Variants in SEMA5B observed in about 807,000 individuals in gnomAD.
SEMA5B encodes the protein semaphorin 5B.
In SEMA5B, 66 loss-of-function variants were observed where a neutral mutation model predicts 135.0. The ratio of observed to expected loss-of-function variants is 0.49; its 90% CI spans 0.40 to 0.60. SEMA5B has a LOEUF of 0.60. SEMA5B is among the 20% of genes least tolerant of loss of function. The pLI is 0.00. For synonymous variants in SEMA5B, 690 were observed against 639.5 expected, an observed-to-expected ratio of 1.08 and a Z score of -1.19; for missense variants, 1,501 against 1,566.3, an observed-to-expected ratio of 0.96 and a Z score of 0.70.
intron 2 of SEMA5B, among the ~76,000 whole-genome samples, chr3:122,951,334 T>C (rs1388908376): frequency 6.6e-6 from 1 of 152,240 alleles, no homozygotes; most frequent in African/African-American, 2.4e-5. Flanking sequence ...CTAATCTTTG[T>C]AGGTTATCTA....
chr3:123,019,416 C>G (rs545972436), intron 1 of SEMA5B, among the ~76,000 whole-genome samples: 1 of 152,114 alleles, frequency 6.6e-6, no homozygotes, highest in African/African-American at 2.4e-5. Context: ...GGTAGAAACC[C>G]CGTCTCTACA....
Position 122,913,890 on chromosome 3 carries a change from GC to G in SEMA5B, c.2099del (p.Gly700AlafsTer86). 1 of 1,611,992 alleles carries G rather than the reference GC, an allele frequency of 6.2e-7. No homozygotes were observed. On this transcript the variant is annotated frameshift_variant, in exon 15 of 23. Transcript: ENST00000357599. LOFTEE classifies it high-confidence loss of function. The part of the protein sequence containing the change: ...SCSNPAPRHG[G>X]RICVGKSREE... Reference sequence around the variant, plus strand: ...CCCGGCTCTTGCCCACGCAGATGCGGCCCCCGTGGCGGGGAGCAGGGTTGCT... The same window carrying G: ...CCCGGCTCTTGCCCACGCAGATGCGGCCCCGTGGCGGGGAGCAGGGTTGCT...
Position 122,933,573 on chromosome 3 carries a change from T to C in SEMA5B, c.475-4515A>G, listed in dbSNP as rs549516331. On this transcript the variant is annotated intron_variant, in intron 5 of 22. Coordinates refer to ENST00000357599, the MANE Select transcript of SEMA5B (RefSeq NM_001031702.4). ...TGGGAACTCAGTCAACCTTTTAGCA[T>C]TGAAGACTCATTCTCTGTTTTGGCA... is the stretch of plus-strand genomic sequence containing the variant. Among the ~76,000 whole-genome samples the C allele has an allele frequency of 3.9e-5, 6 of 152,314 alleles. No individual in the cohort carries two copies. In the South Asian group the frequency reaches 1.2e-3, roughly 32 times the overall value.
intron 1 of SEMA5B, among the ~76,000 whole-genome samples, chr3:122,999,483 C>T (rs1254740763): frequency 6.6e-6 from 1 of 152,174 alleles, no homozygotes; most frequent in African/African-American, 2.4e-5. Flanking sequence ...CCTCGGCCTC[C>T]CAAAGTGCTG....
intron 1 of SEMA5B, among the ~76,000 whole-genome samples, chr3:122,966,540 TTA>T (rs1267864686): frequency 3.7e-5 from 1 of 26,982 alleles, no homozygotes; most frequent in Non-Finnish European, 1.1e-4. Flanking sequence ...AGAATGTTTA[TTA>T]TTATTATTAT....
intron 1 of SEMA5B, among the ~76,000 whole-genome samples, chr3:123,000,705 G>T (rs1245863147): frequency 6.6e-6 from 1 of 152,126 alleles, no homozygotes; most frequent in Admixed American, 6.5e-5. Context: ...AGCTAAAGCC[G>T]GAACTCCAGC....
Position 122,910,129 on chromosome 3 carries a change from C to A in SEMA5B, c.*14G>T. On this transcript the variant is annotated 3_prime_UTR_variant, in exon 23 of 23. Coordinates refer to ENST00000357599, the MANE Select transcript of SEMA5B (RefSeq NM_001031702.4). The stretch of plus-strand genomic sequence containing the variant: ...TTATGAAGGCAAGAAGCCCAAGTCC[C>A]CAGGACGGCGGTATCAGCTGTTGGG... 6.2e-7 allele frequency: 1 copy of A among 1,612,606 alleles called. No individual in the cohort carries two copies. Among genetic ancestry groups the A allele is most frequent in the Non-Finnish European group, 8.5e-7 (1 of 1,179,200 alleles).
chr3:123,007,152 A>G (rs1942335306), intron 1 of SEMA5B, among the ~76,000 whole-genome samples: 1 of 151,840 alleles, frequency 6.6e-6, no homozygotes, highest in South Asian at 2.1e-4. Context: ...CCCAACACCT[A>G]CTCATGCACA....
chr3:122,921,512 C>T (rs985941301), intron 12 of SEMA5B, among the ~76,000 whole-genome samples: 3 of 152,202 alleles, frequency 2.0e-5, no homozygotes, highest in African/African-American at 7.2e-5. Context: ...TCATCTCCAT[C>T]TGTCCCCACA....
rs113429189 is a variant in SEMA5B at position 122,927,360 on chromosome 3, T to G, written c.850+430A>C. Among the ~76,000 whole-genome samples, 209 of 152,138 alleles carry G rather than the reference T, an allele frequency of 1.4e-3. 1 individual carries two copies. The highest frequency in any genetic ancestry group is 6.8e-3 in the Middle Eastern group (2 of 294). On this transcript the variant is annotated intron_variant, in intron 8 of 22. Transcript: ENST00000357599. ...CATCACCACGCCTGGCTGATTTATT[T>G]TTTATTTTTATTTTTAGAGACAGGG...
At chr3:123,027,414 T>A (rs1217938545) in intron 1 of SEMA5B, 50 bp downstream of exon 1, 1 of 152,312 alleles carries the variant, frequency 6.6e-6, no homozygotes, top group Non-Finnish European at 1.5e-5. Context: ...AGTTTGCAAG[T>A]TGCAGCCCCA....
At chr3:123,020,312 A>G (rs1942648867) in intron 1 of SEMA5B, among the ~76,000 whole-genome samples, 1 of 152,244 alleles carries the variant, frequency 6.6e-6, no homozygotes, top group South Asian at 2.1e-4. Context: ...ATATGCTGTT[A>G]AGTGAAAAGG....
At chr3:122,985,814 A>G (rs1941680050) in intron 1 of SEMA5B, among the ~76,000 whole-genome samples, 1 of 152,254 alleles carries the variant, frequency 6.6e-6, no homozygotes, top group South Asian at 2.1e-4. Context: ...TCCGTCTTCT[A>G]CTACATGTGA....
chr3:122,972,643 G>T (rs190491318), intron 1 of SEMA5B, among the ~76,000 whole-genome samples: 1 of 152,308 alleles, frequency 6.6e-6, no homozygotes, highest in Non-Finnish European at 1.5e-5. Flanking sequence ...CACCTGAGTC[G>T]GTAAGAGCTG....
intron 5 of SEMA5B, among the ~76,000 whole-genome samples, chr3:122,933,239 C>T (rs962490269): frequency 6.6e-6 from 1 of 152,062 alleles, no homozygotes; most frequent in African/African-American, 2.4e-5. Context: ...TGGTGGAACA[C>T]ATCTCCAGTA....
At chr3:122,930,573 G>A (rs1938913759) in intron 5 of SEMA5B, among the ~76,000 whole-genome samples, 2 of 152,212 alleles carry the variant, frequency 1.3e-5, no homozygotes, top group Admixed American at 6.5e-5. Context: ...CGGACGGTGG[G>A]CGGCTCTGCG....
At chr3:122,943,367 G>T in intron 4 of SEMA5B, 69 bp downstream of exon 4, 1 of 1,149,288 alleles carries the variant, frequency 8.7e-7, no homozygotes. Flanking sequence ...AGTTCATCCT[G>T]AATAATATTC....
At chr3:122,972,068 A>G (rs1237586403) in intron 1 of SEMA5B, among the ~76,000 whole-genome samples, 1 of 152,222 alleles carries the variant, frequency 6.6e-6, no homozygotes, top group African/African-American at 2.4e-5. Flanking sequence ...TCACTTCTCC[A>G]GTGTGGAGAG....
chr3:122,974,536 G>T (rs1941244604), intron 1 of SEMA5B, among the ~76,000 whole-genome samples: 1 of 152,228 alleles, frequency 6.6e-6, no homozygotes, highest in Non-Finnish European at 1.5e-5. Flanking sequence ...ATATGGGTTG[G>T]GGAGAGTGAG....
Sources: allele counts gnomAD v4.1 joint callset (sites outside exome capture counted in the v4.1 genomes callset), GRCh38; gene constraint gnomAD v4.1.1; transcripts MANE v1.5; gene names NCBI Gene and HGNC (gene_info 2026-07-23, HGNC 2026-07-21).